Variants in STARD13 observed in about 807,000 individuals in gnomAD.
The protein encoded by STARD13 is StAR related lipid transfer domain containing 13.
Under a neutral mutation model 106.4 loss-of-function variants are expected in STARD13, and 62 were observed. The ratio of observed to expected loss-of-function variants is 0.58; its 90% confidence interval spans 0.48 to 0.72. The LOEUF (loss-of-function observed/expected upper bound fraction) is 0.72, where lower values mean the gene tolerates loss of function less well. STARD13 is among the 30% of genes least tolerant of loss of function. STARD13 has a pLI of 0.00. For missense variants in STARD13, 1,387 were observed against 1,424.0 expected (o/e 0.97, Z 0.42); for synonymous variants, 565 against 553.0 (o/e 1.02, Z -0.31).
intron 7 of STARD13, among the ~76,000 whole-genome samples, chr13:33,122,657 C>G (rs946278465): frequency 6.6e-5 from 10 of 152,206 alleles, no homozygotes; most frequent in African/African-American, 2.4e-4. Context: ...TGTATGTGAT[C>G]TCTCATTTCC....
the STARD13 span, among the ~76,000 whole-genome samples, chr13:33,570,031 C>T: frequency 1.4e-3 from 199 of 147,058 alleles, 16 homozygotes; most frequent in Non-Finnish European, 2.3e-3. Flanking sequence ...TTATTATCCA[C>T]GTAACCAAAG....
chr13:33,556,212 T>C, the STARD13 span, among the ~76,000 whole-genome samples: 1 of 152,166 alleles, frequency 6.6e-6, no homozygotes, highest in Non-Finnish European at 1.5e-5. Context: ...GGTTCAGATA[T>C]TCATGAAGAA....
At chr13:33,559,056 A>G in the STARD13 span, among the ~76,000 whole-genome samples, 1 of 151,608 alleles carries the variant, frequency 6.6e-6, no homozygotes. Context: ...TTTTTAACTA[A>G]TCTGTCATTT....
At chr13:33,188,732 G>A (rs1885990688) in intron 1 of STARD13, among the ~76,000 whole-genome samples, 1 of 152,198 alleles carries the variant, frequency 6.6e-6, no homozygotes, top group African/African-American at 2.4e-5. Context: ...CATTGAAAAA[G>A]CAGTTTGGAG....
upstream of STARD13, among the ~76,000 whole-genome samples, chr13:33,352,716 C>G (rs1436150928): frequency 6.6e-6 from 1 of 152,220 alleles, no homozygotes; most frequent in Non-Finnish European, 1.5e-5. Context: ...CAGCTCTCTG[C>G]CAGCCCCGGC....
chr13:33,175,528 C>T (rs1373529133), intron 1 of STARD13, among the ~76,000 whole-genome samples: 1 of 152,180 alleles, frequency 6.6e-6, no homozygotes, highest in Non-Finnish European at 1.5e-5. Flanking sequence ...TTCAGTTTCT[C>T]CAGCTTCTGT....
At chr13:33,648,367 G>A in the STARD13 span, among the ~76,000 whole-genome samples, 1 of 152,186 alleles carries the variant, frequency 6.6e-6, no homozygotes, top group Non-Finnish European at 1.5e-5. Context: ...TACTACTTTG[G>A]GTTCTAGTAC....
chr13:33,309,071 C>T (rs1205153970), intron 1 of STARD13, among the ~76,000 whole-genome samples: 1 of 152,230 alleles, frequency 6.6e-6, no homozygotes, highest in Non-Finnish European at 1.5e-5. Flanking sequence ...GGACTTAATA[C>T]TGACCTCAGA....
rs936547059 is a variant in STARD13, at chr13:33,106,938, T to C, written c.3048-4A>G. ...GGGCAAATCAGTTTTCCAGGTCCTG[T>C]AGCAAAACAATCCGCACATCAGAGT... On this transcript the variant is annotated splice_polypyrimidine_tract_variant and splice_region_variant and intron_variant, in intron 12 of 13. Transcript: ENST00000336934. 1 of 1,610,198 alleles carries C rather than the reference T, an allele frequency of 6.2e-7. No individual in the cohort carries two copies. Among genetic ancestry groups the C allele is most frequent in the Non-Finnish European group, 8.5e-7 (1 of 1,177,638 alleles).
At chr13:33,516,010 A>G in the STARD13 span, among the ~76,000 whole-genome samples, 2 of 151,994 alleles carry the variant, frequency 1.3e-5, no homozygotes, top group East Asian at 3.9e-4. Flanking sequence ...CAATGACAGT[A>G]ACCCAGGTAT....
Position 33,202,369 on chromosome 13 carries a change from G to GGGTA in STARD13, c.170-34751_170-34748dup, listed in dbSNP as rs1400348979. On this transcript the variant is annotated intron_variant, in intron 1 of 13. Coordinates refer to ENST00000336934, the MANE Select transcript of STARD13 (RefSeq NM_178006.4). Reference sequence around the variant, plus strand: ...GACAATTTATTCCAGACACAAAAATGGGTACCAGGGTTCTGTCCCAGAAGG... The same window carrying GGGTA: ...GACAATTTATTCCAGACACAAAAATGGGTAGGTACCAGGGTTCTGTCCCAGAAGG... 1.6e-4 allele frequency among the ~76,000 whole-genome samples: 24 copies of GGGTA among 152,212 alleles called. No homozygotes were observed. In the East Asian group the frequency reaches 2.9e-3, roughly 18 times the overall value.
chr13:33,167,100 A>G (rs1387051496), intron 2 of STARD13, among the ~76,000 whole-genome samples: 1 of 152,208 alleles, frequency 6.6e-6, no homozygotes, highest in Non-Finnish European at 1.5e-5. Context: ...GATTCATGTT[A>G]TATCTTGACA....
intron 13 of STARD13, among the ~76,000 whole-genome samples, chr13:33,106,281 T>C (rs1873691577): frequency 6.6e-6 from 1 of 151,526 alleles, no homozygotes. Flanking sequence ...ATTAGCTGAG[T>C]GTGGTGGTGG....
rs755825624 is a variant in STARD13, at chr13:33,129,630, C to T, written c.1047G>A (p.Lys349=). The T allele has an allele frequency of 5.1e-5, 83 of 1,613,868 alleles. No homozygotes were observed. The highest frequency in any genetic ancestry group is 6.6e-5 in the Non-Finnish European group (78 of 1,180,042). Residue 349 remains lysine (K), a synonymous_variant, in exon 5 of 14, where the codon AAG becomes AAA. Coordinates refer to ENST00000336934, the MANE Select transcript of STARD13 (RefSeq NM_178006.4). The part of the protein sequence containing the change: ...SSSGVSTPCL[K]ERKCHEANKR... ...TGTTGGCCTCGTGGCACTTGCGTTC[C>T]TTCAGGCAGGGCGTGCTCACCCCGC...
chr13:33,441,147 T>C, the STARD13 span, among the ~76,000 whole-genome samples: 3 of 152,134 alleles, frequency 2.0e-5, no homozygotes, highest in African/African-American at 4.8e-5. Context: ...CTCCTTCCTG[T>C]CCTCACTACA....
chr13:33,603,740 T>A, the STARD13 span, among the ~76,000 whole-genome samples: 3 of 152,290 alleles, frequency 2.0e-5, no homozygotes, highest in Non-Finnish European at 2.9e-5. Flanking sequence ...AAAAAAATTT[T>A]AAAAATTTTT....
intron 1 of STARD13, among the ~76,000 whole-genome samples, chr13:33,236,962 T>G (rs1889219855): frequency 6.6e-6 from 1 of 152,210 alleles, no homozygotes; most frequent in African/African-American, 2.4e-5. Context: ...TTCCTGAAAT[T>G]CTTTCTTCCC....
chr13:33,319,392 A>G (rs1893467519), intron 1 of STARD13, among the ~76,000 whole-genome samples: 1 of 152,176 alleles, frequency 6.6e-6, no homozygotes, highest in Non-Finnish European at 1.5e-5. Flanking sequence ...GGGGAAATAC[A>G]GCATAATTGC....
rs139692981 is a variant in STARD13 at position 33,146,842 on chromosome 13, C to T, written c.324-4469G>A. ...GAGCTTTGTGACATTCAAACCCACC[C>T]TATTCCTATGCCCTTTTCCCCAGCT... On this transcript the variant is annotated intron_variant, in intron 3 of 13. Coordinates refer to ENST00000336934, the MANE Select transcript of STARD13 (RefSeq NM_178006.4). Among the ~76,000 whole-genome samples the T allele has an allele frequency of 1.2e-3, 185 of 152,324 alleles. 1 individual carries two copies. The highest frequency in any genetic ancestry group is 4.1e-3 in the African/African-American group (171 of 41,570).
Sources: gnomAD v4.1 joint callset for allele counts (sites outside exome capture counted in the v4.1 genomes callset) on GRCh38, gnomAD v4.1.1 for gene constraint, MANE v1.5 for transcripts, NCBI Gene and HGNC (gene_info 2026-07-23, HGNC 2026-07-21) for gene names.